DAAM1: variants seen among roughly 807,000 people sequenced by gnomAD.
DAAM1 encodes disheveled-associated activator of morphogenesis 1.
DAAM1 carries 52 observed loss-of-function variants against 130.0 expected under a neutral mutation model. The ratio of observed to expected loss-of-function variants is 0.40; its 90% CI spans 0.32 to 0.50. The LOEUF (loss-of-function observed/expected upper bound fraction) is 0.50. Among genes scored for constraint, DAAM1 ranks in the 20% least tolerant of loss-of-function variants. The pLI is 0.61. For synonymous variants in DAAM1, 452 were observed against 444.5 expected (o/e 1.02, Z -0.21); for missense variants, 1,134 against 1,303.8 (o/e 0.87, Z 2.01).
At chr14:59,215,569 G>A (rs749948585) in intron 1 of DAAM1, among the ~76,000 whole-genome samples, 29 of 152,184 alleles carry the variant, frequency 1.9e-4, no homozygotes, top group Admixed American at 3.9e-4. Context: ...GCACCAGGCC[G>A]AAGTGTTTGC....
At chr14:59,360,270 TA>T (rs199932148) in intron 21 of DAAM1, among the ~76,000 whole-genome samples, 1 of 152,064 alleles carries the variant, frequency 6.6e-6, no homozygotes, top group African/African-American at 2.4e-5. Flanking sequence ...CTTTCTCTAT[TA>T]AAAAAAAGAT....
chr14:59,263,384 T>C, intron 1 of DAAM1, 57 bp from the exon 2 acceptor site: 2 of 1,506,036 alleles, frequency 1.3e-6, no homozygotes. Context: ...TCTGGCCTTT[T>C]AAAAATCATT....
In DAAM1 at chr14:59,307,730, A is replaced by G. The variant is rs1212828250; in HGVS notation, c.274-7550A>G. On this transcript the variant is annotated intron_variant, in intron 3 of 24. Coordinates refer to ENST00000360909, the MANE Select transcript of DAAM1 (RefSeq NM_001270520.2). ...TGCATACATGGAAAAAATTCCTATG[A>G]TATGTGAACGGATGGTTATACAGGA... 2.6e-5 allele frequency among the ~76,000 whole-genome samples: 4 copies of G among 152,180 alleles called. No individual in the cohort carries two copies. In the East Asian group the frequency reaches 5.8e-4, roughly 22 times the overall value.
intron 1 of DAAM1, among the ~76,000 whole-genome samples, chr14:59,221,472 C>T (rs1028879862): frequency 5.9e-5 from 9 of 152,152 alleles, no homozygotes; most frequent in Admixed American, 5.9e-4. Flanking sequence ...ATTCCCTTTG[C>T]CTTCAGCTGG....
Position 59,368,077 on chromosome 14 carries a change from A to G in DAAM1, c.2997+478A>G, listed in dbSNP as rs148627879. Among the ~76,000 whole-genome samples the G allele has an allele frequency of 4.4e-3, 674 of 152,290 alleles. 2 individuals are homozygous for G. Among genetic ancestry groups the G allele is most frequent in the African/African-American group, 0.015 (635 of 41,536 alleles). On this transcript the variant is annotated intron_variant, in intron 24 of 24. Coordinates refer to ENST00000360909, the MANE Select transcript of DAAM1 (RefSeq NM_001270520.2). ...TGTTTTTTAAGGTGTGTTAATACAT[A>G]TAGAAAATAATAGTGGTGTGATAAA...
intron 1 of DAAM1, among the ~76,000 whole-genome samples, chr14:59,261,024 G>A (rs1027549911): frequency 6.6e-6 from 1 of 152,114 alleles, no homozygotes. Flanking sequence ...ATTTAGAATG[G>A]TATTGGGGAG....
intron 19 of DAAM1, among the ~76,000 whole-genome samples, chr14:59,354,335 C>G (rs528709676): frequency 6.6e-6 from 1 of 152,326 alleles, no homozygotes; most frequent in Admixed American, 6.5e-5. Context: ...GCTGGGATTA[C>G]AGGCGTGAGC....
chr14:59,351,026 T>G (rs1886272031), intron 17 of DAAM1, among the ~76,000 whole-genome samples: 1 of 152,126 alleles, frequency 6.6e-6, no homozygotes, highest in Non-Finnish European at 1.5e-5. Context: ...GCAAACATTT[T>G]GAACATTAAA....
At chr14:59,232,255 T>C (rs991988194) in intron 1 of DAAM1, among the ~76,000 whole-genome samples, 1 of 152,184 alleles carries the variant, frequency 6.6e-6, no homozygotes, top group South Asian at 2.1e-4. Flanking sequence ...TCAAGGCCAG[T>C]TGGATGTCAC....
intron 14 of DAAM1, 50 bp from the exon 15 acceptor site, chr14:59,331,763 T>C: frequency 6.4e-7 from 1 of 1,567,184 alleles, no homozygotes; most frequent in South Asian, 1.2e-5. Flanking sequence ...ATCCCTGTTC[T>C]TTTTATGTAT....
chr14:59,287,710 T>C (rs935122993), intron 2 of DAAM1, among the ~76,000 whole-genome samples: 1 of 152,096 alleles, frequency 6.6e-6, no homozygotes, highest in Admixed American at 6.6e-5. Flanking sequence ...CCTAGGAATA[T>C]GCTTATCAAA....
intron 3 of DAAM1, among the ~76,000 whole-genome samples, chr14:59,313,246 ACAG>A (rs1884660244): frequency 6.6e-6 from 1 of 152,126 alleles, no homozygotes; most frequent in South Asian, 2.1e-4. Context: ...CCAGTATTGC[ACAG>A]GGGAAACTGG....
chr14:59,204,960 C>G (rs867894713), intron 1 of DAAM1, among the ~76,000 whole-genome samples: 2 of 152,184 alleles, frequency 1.3e-5, no homozygotes, highest in Non-Finnish European at 2.9e-5. Context: ...CTAAAATGAT[C>G]CCCCCATCAG....
chr14:59,190,002 G>T (rs745385899), intron 1 of DAAM1, among the ~76,000 whole-genome samples: 1 of 152,110 alleles, frequency 6.6e-6, no homozygotes, highest in Non-Finnish European at 1.5e-5. Context: ...GTGAATCGAA[G>T]CGGAGTTGCC....
chr14:59,338,277 C>G (rs1885703370), intron 15 of DAAM1: 1 of 1,106,670 alleles, frequency 9.0e-7, no homozygotes. Context: ...ATCTCTTACC[C>G]TACATCACTT....
chr14:59,216,706 C>G (rs1029827932), intron 1 of DAAM1, among the ~76,000 whole-genome samples: 1 of 150,992 alleles, frequency 6.6e-6, no homozygotes. Context: ...AGGGAGAGAG[C>G]GAGACTCTGT....
intron 1 of DAAM1, among the ~76,000 whole-genome samples, chr14:59,216,156 A>G (rs1432566669): frequency 6.6e-6 from 1 of 152,034 alleles, no homozygotes; most frequent in Non-Finnish European, 1.5e-5. Context: ...ACCTCCTCTG[A>G]CTTCCCAGGG....
At position 59,315,898 on chromosome 14, in the gene DAAM1, C is replaced by T. The variant is rs959618387; in HGVS notation, c.345+547C>T. Among the ~76,000 whole-genome samples, 10 of 152,214 alleles carry T rather than the reference C, an allele frequency of 6.6e-5. No homozygotes were observed. In the South Asian group the frequency reaches 8.3e-4, roughly 13 times the overall value. On this transcript the variant is annotated intron_variant, in intron 4 of 24. Coordinates refer to ENST00000360909, the MANE Select transcript of DAAM1 (RefSeq NM_001270520.2). ...CATAATAATAGTGCTGAGATGTCCT[C>T]GGAAAATCTTTAGTACATGGATTGT...
chr14:59,267,999 T>A (rs1594789464), intron 2 of DAAM1, among the ~76,000 whole-genome samples: 1 of 148,694 alleles, frequency 6.7e-6, no homozygotes, highest in East Asian at 2.0e-4. Context: ...GCTTCCCGGG[T>A]TCAAGCGATT....
Sources: allele counts gnomAD v4.1 joint callset (sites outside exome capture counted in the v4.1 genomes callset), GRCh38; gene constraint gnomAD v4.1.1; transcripts MANE v1.5; gene names NCBI Gene and HGNC (gene_info 2026-07-23, HGNC 2026-07-21).